The following WDPCP variants were observed in gnomAD, a reference collection of about 807,000 sequenced individuals.
The protein encoded by WDPCP is WD repeat-containing and planar cell polarity effector protein fritz homolog.
A neutral mutation model predicts 93.1 loss-of-function variants in WDPCP; 71 were observed. The observed-to-expected ratio is 0.76, with a 90% CI of 0.63 to 0.93. WDPCP has a LOEUF of 0.93. Among genes scored for constraint, WDPCP ranks in the 40% least tolerant of loss-of-function variants. The probability of loss-of-function intolerance (pLI) is 0.00; values close to 1 mark genes in which losing one functional copy is unlikely to be tolerated. For synonymous variants in WDPCP, 315 were observed against 315.0 expected, an observed-to-expected ratio of 1.00 and a Z score of 0.00; for missense variants, 844 against 887.4, an observed-to-expected ratio of 0.95 and a Z score of 0.62.
chr2:63,198,642 C>G (rs1675645768), intron 14 of WDPCP, among the ~76,000 whole-genome samples: 1 of 152,184 alleles, frequency 6.6e-6, no homozygotes, highest in Non-Finnish European at 1.5e-5. Context: ...TTCACCTTCA[C>G]TCTCTTCCTC....
At chr2:63,690,855 G>T (rs1668879382) in intron 2 of WDPCP, among the ~76,000 whole-genome samples, 1 of 152,146 alleles carries the variant, frequency 6.6e-6, no homozygotes, top group African/African-American at 2.4e-5. Flanking sequence ...TGATTCCATT[G>T]CGTAGTTGTT....
At chr2:63,439,092 C>T (rs1697331544) in intron 7 of WDPCP, among the ~76,000 whole-genome samples, 1 of 152,052 alleles carries the variant, frequency 6.6e-6, no homozygotes, top group Non-Finnish European at 1.5e-5. Context: ...ATAACTATAC[C>T]TTATACAATT....
intron 1 of WDPCP, among the ~76,000 whole-genome samples, chr2:63,510,298 A>C (rs983616808): frequency 2.0e-5 from 3 of 152,238 alleles, no homozygotes; most frequent in Non-Finnish European, 4.4e-5. Flanking sequence ...AATAAGCATA[A>C]TTCATCACAT....
intron 13 of WDPCP, among the ~76,000 whole-genome samples, chr2:63,276,843 A>G (rs1203918990): frequency 6.6e-6 from 1 of 152,234 alleles, no homozygotes; most frequent in African/African-American, 2.4e-5. Context: ...GCCTTGCTAG[A>G]GATCTAGACA....
At chr2:63,684,755 A>AAGAAAT in intron 2 of WDPCP, 4 of 574,486 alleles carry the variant, frequency 7.0e-6, no homozygotes, top group Non-Finnish European at 1.3e-5. Flanking sequence ...AAATAAGAAA[A>AAGAAAT]AGAAATAGTA....
intron 10 of WDPCP, among the ~76,000 whole-genome samples, chr2:63,390,170 G>A (rs1247657562): frequency 3.3e-5 from 5 of 152,164 alleles, no homozygotes; most frequent in Middle Eastern, 3.4e-3. Flanking sequence ...AGCAAATGTA[G>A]AAGAACAGAA....
intron 12 of WDPCP, among the ~76,000 whole-genome samples, chr2:63,326,918 T>A (rs1269595206): frequency 6.6e-6 from 1 of 152,206 alleles, no homozygotes; most frequent in Non-Finnish European, 1.5e-5. Context: ...TGTAACCCTG[T>A]AACAACACTC....
chr2:63,149,972 G>A (rs1254555882), intron 17 of WDPCP, among the ~76,000 whole-genome samples: 1 of 152,028 alleles, frequency 6.6e-6, no homozygotes, highest in African/African-American at 2.4e-5. Context: ...CTGCACTCCA[G>A]CCTGGGTGAC....
intron 17 of WDPCP, among the ~76,000 whole-genome samples, chr2:63,135,480 C>T (rs759719578): frequency 2.0e-5 from 3 of 151,444 alleles, no homozygotes; most frequent in East Asian, 4.0e-4. Flanking sequence ...TACAGGCATG[C>T]GTCACCACGC....
chr2:63,835,441 A>T, the WDPCP span, among the ~76,000 whole-genome samples: 2 of 151,248 alleles, frequency 1.3e-5, no homozygotes, highest in Non-Finnish European at 2.9e-5. Flanking sequence ...AGAGAACTTC[A>T]GTCATTAAGA....
intron 2 of WDPCP, among the ~76,000 whole-genome samples, chr2:63,791,918 C>T (rs191855878): frequency 2.0e-4 from 30 of 152,198 alleles, no homozygotes; most frequent in Admixed American, 1.5e-3. Flanking sequence ...GCATTTACTA[C>T]GGTGCCTGCA....
In WDPCP at chr2:63,643,637, G is replaced by A. The variant is rs1710010939; in HGVS notation, n.488+7022C>T. ...TGAACATCATGAATCACCAGATGAG[G>A]AATTCCTTTTGTACCCACAAAGATT... On this transcript the variant is annotated intron_variant and non_coding_transcript_variant, in intron 3 of 4. Coordinates refer to the WDPCP transcript ENST00000467687. The A allele has an allele frequency of 1.1e-5, 5 of 453,384 alleles. 1 individual carries two copies. In the Admixed American group the frequency reaches 1.3e-4, roughly 12 times the overall value. 28.1% of individuals were successfully genotyped at this position (453,384 alleles called of 1,614,324 possible). A position where few individuals can be genotyped will look rare whatever the true frequency, so the allele number is the denominator to read the frequency against.
chr2:63,261,814 TG>T (rs897212190), intron 13 of WDPCP, among the ~76,000 whole-genome samples: 1 of 152,200 alleles, frequency 6.6e-6, no homozygotes. Flanking sequence ...AGAGAAGGTT[TG>T]CTGGCCCTGT....
intron 2 of WDPCP, 115 bp from the exon 3 acceptor site, chr2:63,487,609 T>C: frequency 1.4e-6 from 1 of 702,490 alleles, no homozygotes; most frequent in Non-Finnish European, 2.4e-6. Context: ...AGTCTCCTTA[T>C]GCTACTAGAA....
chr2:63,562,066 C>T (rs886255296), intron 1 of WDPCP, among the ~76,000 whole-genome samples: 1 of 152,140 alleles, frequency 6.6e-6, no homozygotes, highest in Non-Finnish European at 1.5e-5. Context: ...AAGATACATG[C>T]AAATGTATTT....
At chr2:63,142,920 A>G (rs571164808) in intron 17 of WDPCP, among the ~76,000 whole-genome samples, 1 of 76,978 alleles carries the variant, frequency 1.3e-5, no homozygotes, top group Admixed American at 1.1e-4. Context: ...ATACACATAC[A>G]TATACACACA....
intron 9 of WDPCP, among the ~76,000 whole-genome samples, chr2:63,429,555 C>T (rs1162265047): frequency 6.6e-6 from 1 of 152,148 alleles, no homozygotes; most frequent in African/African-American, 2.4e-5. Flanking sequence ...CAAAAGAAGA[C>T]ATACAAATCG....
rs998744167 is a variant in WDPCP at position 63,797,365 on chromosome 2, C to G, written n.308+16257G>C. ...ATGTATCAGCTCAGCCACTGTAGGA[C>G]AGAGCACCAAGTGGCTCTTGGGGTT... On this transcript the variant is annotated intron_variant and non_coding_transcript_variant, in intron 2 of 4. Coordinates refer to the WDPCP transcript ENST00000467687. Among the ~76,000 whole-genome samples, 4 of 152,028 alleles carry G rather than the reference C, an allele frequency of 2.6e-5. No homozygotes were observed. The East Asian group carries it at 7.8e-4, about 30-fold the overall frequency.
intron 3 of WDPCP, chr2:63,606,113 G>T: frequency 1.6e-6 from 2 of 1,253,068 alleles, no homozygotes; most frequent in Non-Finnish European, 2.3e-6. Context: ...CAGGCACAGT[G>T]GCTCACGCCT....
Sources: allele counts gnomAD v4.1 joint callset (sites outside exome capture counted in the v4.1 genomes callset), GRCh38; gene constraint gnomAD v4.1.1; transcripts MANE v1.5; gene names NCBI Gene and HGNC (gene_info 2026-07-23, HGNC 2026-07-21).